FAT4: variants seen among roughly 807,000 people sequenced by gnomAD.
FAT4 encodes the protein FAT atypical cadherin 4, also known as protocadherin Fat 4.
FAT4 carries 84 observed loss-of-function variants against 303.9 expected under a neutral mutation model. The observed-to-expected ratio is 0.28, with a 90% CI of 0.23 to 0.33. FAT4 has a LOEUF of 0.33. Among genes scored for constraint, FAT4 ranks in the 10% least tolerant of loss-of-function variants. The pLI is 1.00. For synonymous variants in FAT4, 2,307 were observed against 2,298.8 expected (o/e 1.00, Z -0.10); for missense variants, 6,005 against 6,146.8 (o/e 0.98, Z 0.77).
At position 125,434,247 on chromosome 4, in the gene FAT4, TC is replaced by T; in HGVS notation, c.7025del (p.Pro2342LeufsTer3). 1 of 1,604,704 alleles carries T rather than the reference TC, an allele frequency of 6.2e-7. No homozygotes were observed. The highest frequency in any genetic ancestry group is 8.5e-7 in the Non-Finnish European group (1 of 1,175,828). On this transcript the variant is annotated frameshift_variant, in exon 8 of 18. Coordinates refer to ENST00000394329, the MANE Select transcript of FAT4 (RefSeq NM_001291303.3). LOFTEE classifies it high-confidence loss of function. The stretch of plus-strand genomic sequence containing the variant: ...ACTTGATTTTCTTTTCTTTTTAGGA[TC>T]CCCTGCCTTGACTGGAACTGGAACA... ...VLMITATDSG[S>X]PALTGTGTIN...
chr4:125,392,483 A>G (rs559806214), intron 2 of FAT4, among the ~76,000 whole-genome samples: 60 of 152,310 alleles, frequency 3.9e-4, no homozygotes, highest in African/African-American at 1.4e-3. Flanking sequence ...CATTCTGAAA[A>G]TGGGTATTTA....
intron 2 of FAT4, among the ~76,000 whole-genome samples, chr4:125,337,664 G>A (rs1311449405): frequency 6.6e-6 from 1 of 151,940 alleles, no homozygotes; most frequent in Admixed American, 6.6e-5. Flanking sequence ...TGTAAACACA[G>A]CCAGATATAA....
intron 2 of FAT4, among the ~76,000 whole-genome samples, chr4:125,356,549 G>GTTTTTTTTT (rs57855830): frequency 7.6e-6 from 1 of 131,442 alleles, no homozygotes; most frequent in Non-Finnish European, 1.6e-5. Flanking sequence ...TTTGTTTTTT[G>GTTTTTTTTT]TTTTTTTTTT....
chr4:125,426,611 A>C (rs1725096750), intron 7 of FAT4, among the ~76,000 whole-genome samples: 1 of 152,074 alleles, frequency 6.6e-6, no homozygotes. Flanking sequence ...TCAGAAAAAA[A>C]TATTTCTACA....
chr4:125,439,237 C>T (rs1668951254), intron 8 of FAT4, among the ~76,000 whole-genome samples: 1 of 152,130 alleles, frequency 6.6e-6, no homozygotes, highest in South Asian at 2.1e-4. Context: ...TGGACCAAAT[C>T]TCTATTCAAG....
Position 125,408,596 on chromosome 4 carries a change from G to A in FAT4, c.5722G>A (p.Val1908Ile). 6.2e-7 allele frequency: 1 copy of A among 1,612,882 alleles called. No individual in the cohort carries two copies. Among genetic ancestry groups the A allele is most frequent in the Non-Finnish European group, 8.5e-7 (1 of 1,179,338 alleles). The change falls in exon 5 of 18, where the codon GTA becomes ATA. Residue 1908 changes from valine (V) to isoleucine (I), a missense_variant. Transcript: ENST00000394329. ...FNLTRLLDYE[V>I]QQYYILTVRA... Reference sequence around the variant, plus strand: ...TTTGACTCGATTATTAGATTATGAAGTACAGCAATATTATATCCTCACTGT... The same window carrying A: ...TTTGACTCGATTATTAGATTATGAAATACAGCAATATTATATCCTCACTGT...
intron 7 of FAT4, among the ~76,000 whole-genome samples, chr4:125,432,082 G>A (rs1725301148): frequency 6.6e-6 from 1 of 152,084 alleles, no homozygotes; most frequent in African/African-American, 2.4e-5. Flanking sequence ...AACTTAAGCT[G>A]GCCAGTAGTG....
chr4:125,439,681 A>G (rs1725584571), intron 8 of FAT4, among the ~76,000 whole-genome samples: 1 of 151,666 alleles, frequency 6.6e-6, no homozygotes, highest in African/African-American at 2.4e-5. Context: ...CTTCCCATTC[A>G]ATTTCCTCCA....
At chr4:125,467,850 C>T (rs1726719135) in intron 11 of FAT4, among the ~76,000 whole-genome samples, 1 of 152,092 alleles carries the variant, frequency 6.6e-6, no homozygotes, top group African/African-American at 2.4e-5. Context: ...AAAATTGTAG[C>T]ATAATACAAC....
At chr4:125,429,518 CTCTG>C in intron 7 of FAT4, among the ~76,000 whole-genome samples, 2 of 152,174 alleles carry the variant, frequency 1.3e-5, no homozygotes, top group African/African-American at 4.8e-5. Flanking sequence ...AAAACTGGCT[CTCTG>C]TCTATTCTGG....
At chr4:125,389,767 T>C (rs1337648771) in intron 2 of FAT4, among the ~76,000 whole-genome samples, 2 of 152,226 alleles carry the variant, frequency 1.3e-5, no homozygotes, top group Non-Finnish European at 2.9e-5. Flanking sequence ...TTACCACAAG[T>C]TTGAACAAAG....
At chr4:125,361,196 G>A (rs1330327996) in intron 2 of FAT4, among the ~76,000 whole-genome samples, 2 of 151,982 alleles carry the variant, frequency 1.3e-5, no homozygotes, top group Non-Finnish European at 1.5e-5. Flanking sequence ...AAGTGTTGGA[G>A]GGAATTCAGA....
intron 2 of FAT4, among the ~76,000 whole-genome samples, chr4:125,384,931 T>A (rs1169695869): frequency 6.6e-6 from 1 of 150,466 alleles, no homozygotes; most frequent in African/African-American, 2.4e-5. Context: ...ACAAAATAAT[T>A]TTTACTAAGG....
chr4:125,412,473 G>A (rs560504305), intron 5 of FAT4, among the ~76,000 whole-genome samples: 5 of 151,730 alleles, frequency 3.3e-5, no homozygotes, highest in South Asian at 2.1e-4. Flanking sequence ...TTGTCATTAT[G>A]TATTTGAATA....
chr4:125,446,120 A>G, intron 8 of FAT4, 173 bp from the exon 9 acceptor site: 1 of 559,352 alleles, frequency 1.8e-6, no homozygotes, highest in East Asian at 3.0e-5. Flanking sequence ...TGTGATGTTC[A>G]CAGAAAATTT....
intron 8 of FAT4, among the ~76,000 whole-genome samples, chr4:125,442,668 A>C (rs1240196159): frequency 6.6e-6 from 1 of 152,102 alleles, no homozygotes; most frequent in East Asian, 1.9e-4. Context: ...TTTTGTGTTC[A>C]GACTTGAGAC....
chr4:125,488,305 T>C (rs1452223018), intron 17 of FAT4, among the ~76,000 whole-genome samples: 1 of 152,236 alleles, frequency 6.6e-6, no homozygotes, highest in Non-Finnish European at 1.5e-5. Flanking sequence ...GTTGCAGTTT[T>C]GGTCTTATTT....
At chr4:125,426,392 C>T (rs1725088754) in intron 7 of FAT4, among the ~76,000 whole-genome samples, 2 of 151,860 alleles carry the variant, frequency 1.3e-5, no homozygotes, top group South Asian at 2.1e-4. Context: ...ATGCATTTGA[C>T]TTAATTTTAT....
At chr4:125,405,402 G>T (rs1605825) in intron 3 of FAT4, among the ~76,000 whole-genome samples, 150,447 of 152,220 alleles carry the variant, frequency 0.99, 74,367 homozygotes, top group East Asian at 1. Flanking sequence ...ACTTGTTTTG[G>T]TTTATTTGTT....
Sources: allele counts gnomAD v4.1 joint callset (sites outside exome capture counted in the v4.1 genomes callset), GRCh38; gene constraint gnomAD v4.1.1; transcripts MANE v1.5; gene names NCBI Gene and HGNC (gene_info 2026-07-23, HGNC 2026-07-21).